KCNH7: variants seen among roughly 807,000 people sequenced by gnomAD.
KCNH7 encodes voltage-gated inwardly rectifying potassium channel KCNH7.
KCNH7 carries 49 observed loss-of-function variants against 120.8 expected under a neutral mutation model. The observed-to-expected ratio is 0.41, with a 90% CI of 0.32 to 0.51. The LOEUF is 0.51. KCNH7 is among the 20% of genes least tolerant of loss of function. The pLI, the probability that KCNH7 is intolerant of heterozygous loss-of-function variation, is 0.38. For synonymous variants in KCNH7, 547 were observed against 516.1 expected (o/e 1.06, Z -0.81); for missense variants, 1,097 against 1,446.6 (o/e 0.76, Z 3.92).
intron 2 of KCNH7, among the ~76,000 whole-genome samples, chr2:162,585,165 T>A (rs113014979): frequency 1.4e-4 from 21 of 152,138 alleles, no homozygotes; most frequent in African/African-American, 4.6e-4. Context: ...CCTCTCACCT[T>A]GTTCTCCTCA....
chr2:162,560,363 G>A (rs867824), intron 2 of KCNH7, among the ~76,000 whole-genome samples: 67,045 of 151,944 alleles, frequency 0.44, 15,078 homozygotes, highest in Admixed American at 0.53. Flanking sequence ...CTGTAACATC[G>A]GAACAGGAGC....
chr2:162,420,314 T>C (rs1159828491), intron 9 of KCNH7, among the ~76,000 whole-genome samples: 1 of 152,196 alleles, frequency 6.6e-6, no homozygotes, highest in South Asian at 2.1e-4. Context: ...AGGTGGAGGT[T>C]GCAGTGAGCC....
chr2:162,406,456 CCT>C (rs1687226556), intron 9 of KCNH7, among the ~76,000 whole-genome samples: 1 of 151,856 alleles, frequency 6.6e-6, no homozygotes. Flanking sequence ...GCAAATGACT[CCT>C]CTAAATAGCA....
chr2:162,641,519 A>G (rs1003065253), intron 2 of KCNH7, among the ~76,000 whole-genome samples: 1 of 151,974 alleles, frequency 6.6e-6, no homozygotes, highest in Non-Finnish European at 1.5e-5. Context: ...GTTCAAGACC[A>G]GCCTCCTCAA....
chr2:162,786,242 CAAAAA>C (rs68194654), intron 2 of KCNH7, among the ~76,000 whole-genome samples: 27 of 72,064 alleles, frequency 3.7e-4, no homozygotes, highest in African/African-American at 1.1e-3. Context: ...GAATCCGTCT[CAAAAA>C]AAAAAAAAAA....
chr2:162,386,010 C>T (rs991685114), intron 12 of KCNH7, among the ~76,000 whole-genome samples: 3 of 151,692 alleles, frequency 2.0e-5, no homozygotes, highest in African/African-American at 4.8e-5. Context: ...CAGTGTTATG[C>T]GAAATTGTTA....
chr2:162,833,045 G>C (rs982088044), intron 2 of KCNH7, among the ~76,000 whole-genome samples: 3 of 151,938 alleles, frequency 2.0e-5, no homozygotes, highest in Admixed American at 2.0e-4. Context: ...ATACAGGAAC[G>C]CTCTGACCTC....
chr2:162,614,220 T>TA (rs1370169135), intron 2 of KCNH7, among the ~76,000 whole-genome samples: 3 of 151,906 alleles, frequency 2.0e-5, no homozygotes, highest in Admixed American at 6.6e-5. Context: ...TTTTGCAAAA[T>TA]AAAAAATCAC....
chr2:162,672,406 T>C (rs1685390748), intron 2 of KCNH7, among the ~76,000 whole-genome samples: 1 of 152,032 alleles, frequency 6.6e-6, no homozygotes, highest in African/African-American at 2.4e-5. Context: ...CTTGTAAATG[T>C]AACTCATGGC....
At chr2:162,787,678 C>T (rs1683762924) in intron 2 of KCNH7, among the ~76,000 whole-genome samples, 1 of 152,192 alleles carries the variant, frequency 6.6e-6, no homozygotes, top group South Asian at 2.1e-4. Context: ...CCAGGACCAG[C>T]CCGGCCCCCA....
At chr2:162,653,519 T>A (rs1487722739) in intron 2 of KCNH7, among the ~76,000 whole-genome samples, 2 of 152,112 alleles carry the variant, frequency 1.3e-5, no homozygotes, top group African/African-American at 4.8e-5. Context: ...AGGTGAAAGA[T>A]CTGTACACTG....
Position 162,792,031 on chromosome 2 carries a change from A to T in KCNH7, c.307+44506T>A, listed in dbSNP as rs763535295. Among the ~76,000 whole-genome samples, 6 of 151,856 alleles carry T rather than the reference A, an allele frequency of 4.0e-5. No homozygotes were observed. In the East Asian group the frequency reaches 1.2e-3, roughly 29 times the overall value. On this transcript the variant is annotated intron_variant, in intron 2 of 15. Transcript: ENST00000332142. ...TTTACTGAAAGTCTTTTCTGCATCT[A>T]TTGAGATAATCATGTGGTTTGTGTC... is the stretch of plus-strand genomic sequence containing the variant.
chr2:162,828,352 A>G (rs1392243294), intron 2 of KCNH7, among the ~76,000 whole-genome samples: 1 of 152,108 alleles, frequency 6.6e-6, no homozygotes, highest in Non-Finnish European at 1.5e-5. Flanking sequence ...AATTTTTATC[A>G]TCATGCTCAT....
At chr2:162,494,033 C>T (rs1490669839) in intron 6 of KCNH7, among the ~76,000 whole-genome samples, 1 of 151,978 alleles carries the variant, frequency 6.6e-6, no homozygotes, top group Non-Finnish European at 1.5e-5. Flanking sequence ...TGTTATTTAA[C>T]AAAGATTTGT....
chr2:162,644,424 A>T (rs1684279804), intron 2 of KCNH7, among the ~76,000 whole-genome samples: 1 of 152,178 alleles, frequency 6.6e-6, no homozygotes, highest in South Asian at 2.1e-4. Flanking sequence ...TTATCAGTGA[A>T]AAAGCTCCCT....
chr2:162,793,437 C>G (rs1684029256), intron 2 of KCNH7, among the ~76,000 whole-genome samples: 1 of 151,336 alleles, frequency 6.6e-6, no homozygotes, highest in South Asian at 2.1e-4. Context: ...ACATGTACCC[C>G]TCAACTTAAA....
chr2:162,443,117 A>G (rs1688477092), intron 7 of KCNH7, among the ~76,000 whole-genome samples: 1 of 151,898 alleles, frequency 6.6e-6, no homozygotes, highest in Non-Finnish European at 1.5e-5. Context: ...GACCTGTCAA[A>G]TATGTGTCTC....
At chr2:162,718,410 A>T (rs1687207177) in intron 2 of KCNH7, among the ~76,000 whole-genome samples, 1 of 152,016 alleles carries the variant, frequency 6.6e-6, no homozygotes, top group Admixed American at 6.6e-5. Flanking sequence ...ACATAACATT[A>T]ATACATTTAA....
intron 7 of KCNH7, among the ~76,000 whole-genome samples, chr2:162,438,842 T>C (rs1216115635): frequency 6.6e-6 from 1 of 152,180 alleles, no homozygotes; most frequent in African/African-American, 2.4e-5. Context: ...AATATTTCTT[T>C]AAAAACTTAA....
Sources: gnomAD v4.1 joint callset for allele counts (sites outside exome capture counted in the v4.1 genomes callset) on GRCh38, gnomAD v4.1.1 for gene constraint, MANE v1.5 for transcripts, NCBI Gene and HGNC (gene_info 2026-07-23, HGNC 2026-07-21) for gene names.